WWOX: variants seen among roughly 807,000 people sequenced by gnomAD.
The protein encoded by WWOX is WW domain containing oxidoreductase, also known as WW domain-containing oxidoreductase.
A neutral mutation model predicts 46.2 loss-of-function variants in WWOX; 69 were observed. The ratio of observed to expected loss-of-function variants is 1.49; its 90% confidence interval spans 1.23 to 1.82. The LOEUF is 1.82. WWOX is among the 40% of genes most tolerant of loss of function. The pLI, the probability that WWOX is intolerant of heterozygous loss-of-function variation, is 0.00. For synonymous variants in WWOX, 359 were observed against 202.6 expected (o/e 1.77, Z -6.56); for missense variants, 919 against 542.6 (o/e 1.69, Z -6.89).
chr16:78,681,289 C>T (rs2047722952), intron 8 of WWOX, among the ~76,000 whole-genome samples: 1 of 151,986 alleles, frequency 6.6e-6, no homozygotes, highest in Non-Finnish European at 1.5e-5. Context: ...CCTATGGTCC[C>T]AGCTACTTGG....
chr16:78,737,897 T>C (rs1388627161), intron 8 of WWOX, among the ~76,000 whole-genome samples: 1 of 152,100 alleles, frequency 6.6e-6, no homozygotes, highest in Non-Finnish European at 1.5e-5. Context: ...AGGCCATGAG[T>C]TCCCAGTCAG....
intron 8 of WWOX, chr16:78,506,434 C>G (rs62036410): frequency 1.3e-5 from 2 of 152,044 alleles, no homozygotes; most frequent in Non-Finnish European, 1.5e-5. Flanking sequence ...ATTCCTTTGA[C>G]TCCCTCCACC....
At chr16:78,840,471 A>G (rs572572296) in intron 8 of WWOX, among the ~76,000 whole-genome samples, 2 of 152,162 alleles carry the variant, frequency 1.3e-5, no homozygotes, top group Non-Finnish European at 2.9e-5. Flanking sequence ...ATGGCATGGC[A>G]TGATCCCACT....
At chr16:78,373,338 A>T (rs2081740005) in intron 5 of WWOX, among the ~76,000 whole-genome samples, 1 of 152,194 alleles carries the variant, frequency 6.6e-6, no homozygotes, top group Non-Finnish European at 1.5e-5. Flanking sequence ...ATCCAAGCTC[A>T]TTTCATTTAG....
At chr16:78,130,533 G>T (rs1255541391) in intron 4 of WWOX, among the ~76,000 whole-genome samples, 1 of 152,192 alleles carries the variant, frequency 6.6e-6, no homozygotes, top group Non-Finnish European at 1.5e-5. Context: ...GTCTATCAAG[G>T]AACATAGTTG....
intron 3 of WWOX, 86 bp downstream of exon 3, chr16:78,109,921 G>A: frequency 7.1e-7 from 1 of 1,403,498 alleles, no homozygotes; most frequent in Non-Finnish European, 1.0e-6. Context: ...AGTAACTGTA[G>A]AAAAATACAA....
chr16:78,779,181 G>A (rs1020961876), intron 8 of WWOX, among the ~76,000 whole-genome samples: 2 of 152,150 alleles, frequency 1.3e-5, no homozygotes, highest in Non-Finnish European at 2.9e-5. Context: ...CAGGGTCTTT[G>A]TTTCCCAGGC....
intron 8 of WWOX, among the ~76,000 whole-genome samples, chr16:78,935,063 C>T (rs1183864292): frequency 6.6e-6 from 1 of 152,208 alleles, no homozygotes; most frequent in Non-Finnish European, 1.5e-5. Context: ...GATACCATCT[C>T]ACACCAGTTA....
At chr16:79,015,911 C>G (rs2047403460) in intron 8 of WWOX, among the ~76,000 whole-genome samples, 1 of 152,098 alleles carries the variant, frequency 6.6e-6, no homozygotes, top group Non-Finnish European at 1.5e-5. Context: ...CCACCACTCA[C>G]AGCTAATTTT....
chr16:78,624,446 C>G (rs1049824369), intron 8 of WWOX, among the ~76,000 whole-genome samples: 6 of 152,166 alleles, frequency 3.9e-5, no homozygotes, highest in Middle Eastern at 3.2e-3. Context: ...CACATTAATA[C>G]TGACTCATAT....
intron 8 of WWOX, among the ~76,000 whole-genome samples, chr16:78,806,589 G>C (rs2051043467): frequency 6.6e-6 from 1 of 152,094 alleles, no homozygotes; most frequent in Non-Finnish European, 1.5e-5. Flanking sequence ...CCTACACATT[G>C]TCTCCATGTA....
chr16:79,058,052 C>G (rs1446759088), intron 8 of WWOX, among the ~76,000 whole-genome samples: 2 of 150,176 alleles, frequency 1.3e-5, no homozygotes, highest in Non-Finnish European at 2.9e-5. Flanking sequence ...GAAAACATCA[C>G]TTTTCCTCCA....
At chr16:78,144,859 A>C (rs1318776731) in intron 4 of WWOX, among the ~76,000 whole-genome samples, 2 of 152,080 alleles carry the variant, frequency 1.3e-5, no homozygotes, top group Non-Finnish European at 2.9e-5. Flanking sequence ...TCTTTTAATA[A>C]TTAAAATTTG....
At chr16:78,523,456 G>A (rs1037149133) in intron 8 of WWOX, among the ~76,000 whole-genome samples, 2 of 152,160 alleles carry the variant, frequency 1.3e-5, no homozygotes, top group Non-Finnish European at 2.9e-5. Context: ...TAAATGTTTG[G>A]GGAGCTGAAG....
Position 78,700,020 on chromosome 16 carries a change from T to C in WWOX, c.1056+267268T>C, listed in dbSNP as rs2048178812. ...GGGACGCAGAGGGTCCTGCGGTGGG[T>C]GGATACTTACAACATAGAAATGTCC... On this transcript the variant is annotated intron_variant, in intron 8 of 8. Transcript: ENST00000566780. Among the ~76,000 whole-genome samples the C allele has an allele frequency of 2.6e-5, 4 of 151,984 alleles. No homozygotes were observed. In the South Asian group the frequency reaches 8.3e-4, roughly 32 times the overall value.
chr16:78,882,263 A>G (rs4435265), intron 8 of WWOX, among the ~76,000 whole-genome samples: 17,034 of 152,228 alleles, frequency 0.11, 1,177 homozygotes, highest in Non-Finnish European at 0.14. Flanking sequence ...GTCTTTGACA[A>G]TTATACCTAG....
intron 8 of WWOX, among the ~76,000 whole-genome samples, chr16:78,729,096 A>C (rs556488981): frequency 6.6e-6 from 1 of 152,166 alleles, no homozygotes; most frequent in South Asian, 2.1e-4. Context: ...CAATCCCAGC[A>C]CTTTGGGAGG....
At chr16:79,175,117 C>G (rs191766358) in intron 8 of WWOX, among the ~76,000 whole-genome samples, 3 of 152,184 alleles carry the variant, frequency 2.0e-5, no homozygotes, top group Non-Finnish European at 4.4e-5. Context: ...TTTGGGGCAA[C>G]CTACTGGGTC....
At chr16:78,226,113 G>C (rs990202947) in intron 5 of WWOX, among the ~76,000 whole-genome samples, 13 of 152,164 alleles carry the variant, frequency 8.5e-5, no homozygotes. Flanking sequence ...AGCAACATCT[G>C]AGTATCCTCG....
Sources: allele counts gnomAD v4.1 joint callset (sites outside exome capture counted in the v4.1 genomes callset), GRCh38; gene constraint gnomAD v4.1.1; transcripts MANE v1.5; gene names NCBI Gene and HGNC (gene_info 2026-07-23, HGNC 2026-07-21).